GNPTAB: variants seen among roughly 807,000 people sequenced by gnomAD.
GNPTAB encodes the protein N-acetylglucosamine-1-phosphate transferase subunits alpha and beta.
A neutral mutation model predicts 136.6 loss-of-function variants in GNPTAB; 92 were observed. The observed-to-expected ratio is 0.67, with a 90% CI of 0.57 to 0.80. The LOEUF (loss-of-function observed/expected upper bound fraction) is 0.80. Ranked by LOEUF, GNPTAB falls within the 30% of genes least tolerant of loss-of-function variation. The pLI is 0.00. For synonymous variants in GNPTAB, 512 were observed against 535.1 expected (o/e 0.96, Z 0.60); for missense variants, 1,343 against 1,501.8 (o/e 0.89, Z 1.75).
chr12:101,812,565 G>A (rs1870293625), intron 1 of GNPTAB, among the ~76,000 whole-genome samples: 2 of 151,830 alleles, frequency 1.3e-5, no homozygotes, highest in South Asian at 4.2e-4. Context: ...AGACCAGCTT[G>A]GGCAACATGG....
chr12:101,821,153 A>T (rs1870776553), intron 1 of GNPTAB, among the ~76,000 whole-genome samples: 1 of 151,646 alleles, frequency 6.6e-6, no homozygotes, highest in Admixed American at 6.6e-5. Flanking sequence ...ACGATGCTCT[A>T]TTTCTTTACA....
chr12:101,766,203 GT>G lies in GNPTAB; in HGVS notation c.1499del (p.Asn500ThrfsTer47), dbSNP rs2137119157. On this transcript the variant is annotated frameshift_variant, in exon 12 of 21. Transcript: ENST00000299314. LOFTEE classifies it high-confidence loss of function. The stretch of plus-strand genomic sequence containing the variant: ...ATCCCTGATTACAGTAAGAGACACT[GT>G]TTATTCCTCCACCAAACTGCCAGGG... ...GQPWQFGGGI[N>X]SVSYCNQGCA... 6.2e-7 allele frequency: 1 copy of G among 1,613,956 alleles called. No homozygotes were observed. Among genetic ancestry groups the G allele is most frequent in the Non-Finnish European group, 8.5e-7 (1 of 1,179,894 alleles).
chr12:101,757,382 T>A, intron 17 of GNPTAB, 72 bp from the exon 18 acceptor site: 1 of 998,014 alleles, frequency 1.0e-6, no homozygotes, highest in Middle Eastern at 2.8e-4. Flanking sequence ...CAATAGAAAA[T>A]ACATTTTTTA....
At chr12:101,780,906 A>G (rs1953332753) in intron 5 of GNPTAB, among the ~76,000 whole-genome samples, 1 of 152,256 alleles carries the variant, frequency 6.6e-6, no homozygotes, top group Non-Finnish European at 1.5e-5. Context: ...CAGAAATGAT[A>G]GGATGATAGA....
intron 1 of GNPTAB, among the ~76,000 whole-genome samples, chr12:101,828,840 T>C (rs1027390380): frequency 4.6e-5 from 7 of 152,108 alleles, no homozygotes; most frequent in Non-Finnish European, 1.0e-4. Flanking sequence ...CCCACAGGGG[T>C]GATGTTGTGA....
intron 1 of GNPTAB, among the ~76,000 whole-genome samples, chr12:101,820,173 TCA>T (rs1870721301): frequency 6.6e-6 from 1 of 152,232 alleles, no homozygotes; most frequent in Non-Finnish European, 1.5e-5. Context: ...CTTCCTAAGT[TCA>T]GTCACAATCA....
At chr12:101,769,178 G>A (rs1271938227) in intron 10 of GNPTAB, among the ~76,000 whole-genome samples, 1 of 152,164 alleles carries the variant, frequency 6.6e-6, no homozygotes, top group Non-Finnish European at 1.5e-5. Context: ...CGCTACAAGG[G>A]TATTTGTACT....
rs143794314 is a variant in GNPTAB at position 101,756,992 on chromosome 12, T to C, written c.3434+220A>G. On this transcript the variant is annotated intron_variant, in intron 18 of 20. Coordinates refer to ENST00000299314, the MANE Select transcript of GNPTAB (RefSeq NM_024312.5). ...CTGGGTCTCTCTGAACAGCTTGTTA[T>C]TAATAGAACCCAGTTCTTCGAAGTT... The C allele has an allele frequency of 5.8e-5, 29 of 502,058 alleles. 1 individual carries two copies. In the Middle Eastern group the frequency reaches 2.1e-3, roughly 37 times the overall value. 31.1% of individuals were successfully genotyped at this position (502,058 alleles called of 1,614,324 possible).
intron 14 of GNPTAB, 37 bp from the exon 15 acceptor site, chr12:101,761,383 C>G (rs754154693): frequency 5.0e-5 from 79 of 1,580,872 alleles, no homozygotes; most frequent in Non-Finnish European, 6.6e-5. Flanking sequence ...TCTGGATATT[C>G]AAAGTATGTA....
Position 101,830,683 on chromosome 12 carries a change from T to A in GNPTAB, c.-8A>T. 4 of 1,517,848 alleles carry A rather than the reference T, an allele frequency of 2.6e-6. No homozygotes were observed. The East Asian group carries it at 9.1e-5, about 35-fold the overall frequency. 94.0% of individuals were successfully genotyped at this position (1,517,848 alleles called of 1,614,324 possible). A position where few individuals can be genotyped will look rare whatever the true frequency, so the allele number is the denominator to read the frequency against. ...CAGGAGCTTGAACAGCATCACCCCT[T>A]CACCGCCACGCCACGCCCCGAGGAG... On this transcript the variant is annotated 5_prime_UTR_variant, in exon 1 of 21. Transcript: ENST00000299314.
At chr12:101,804,348 A>G (rs1869819421) in intron 1 of GNPTAB, among the ~76,000 whole-genome samples, 1 of 152,168 alleles carries the variant, frequency 6.6e-6, no homozygotes, top group African/African-American at 2.4e-5. Flanking sequence ...AAAGAGAAAA[A>G]AAAAAAGAAC....
intron 1 of GNPTAB, among the ~76,000 whole-genome samples, chr12:101,798,113 T>C (rs369458993): frequency 1.0e-3 from 153 of 152,338 alleles, no homozygotes; most frequent in African/African-American, 3.5e-3. Flanking sequence ...ACCACTTTAG[T>C]GGCCTTACCA....
intron 1 of GNPTAB, among the ~76,000 whole-genome samples, chr12:101,802,324 G>A (rs76623369): frequency 6.6e-6 from 1 of 152,042 alleles, no homozygotes; most frequent in Non-Finnish European, 1.5e-5. Context: ...TTGGAGCAAG[G>A]CTGAACTTCG....
At chr12:101,775,833 T>C (rs1340398057) in intron 7 of GNPTAB, among the ~76,000 whole-genome samples, 2 of 152,226 alleles carry the variant, frequency 1.3e-5, no homozygotes. Flanking sequence ...AGGGCATTAG[T>C]AGAAAATTAT....
At chr12:101,770,885 A>G (rs1457540152) in intron 8 of GNPTAB, 111 bp downstream of exon 8, 3 of 1,123,930 alleles carry the variant, frequency 2.7e-6, no homozygotes, top group Non-Finnish European at 4.0e-6. Flanking sequence ...GAAAAATTCC[A>G]ATCAACTCAC....
At chr12:101,756,225 A>T (rs983940362) in intron 18 of GNPTAB, 1 of 164,602 alleles carries the variant, frequency 6.1e-6, no homozygotes, top group Non-Finnish European at 1.3e-5. Context: ...TAGGTGTTAA[A>T]GGTATTTTTA....
At chr12:101,796,262 C>T in intron 2 of GNPTAB, 1 of 702,474 alleles carries the variant, frequency 1.4e-6, no homozygotes, top group East Asian at 2.7e-5. Flanking sequence ...ACCTCACAGA[C>T]CTGGGGAGAC....
At chr12:101,778,795 T>C in intron 7 of GNPTAB, 1 of 152,144 alleles carries the variant, frequency 6.6e-6, no homozygotes, top group Non-Finnish European at 1.5e-5. Flanking sequence ...TAATCCCAGC[T>C]ATTTGGAGGC....
At chr12:101,774,821 A>G (rs1384637989) in intron 7 of GNPTAB, among the ~76,000 whole-genome samples, 1 of 152,234 alleles carries the variant, frequency 6.6e-6, no homozygotes, top group East Asian at 1.9e-4. Flanking sequence ...AAATACAGGT[A>G]AGTTTGAATG....
Sources: gnomAD v4.1 joint callset for allele counts (sites outside exome capture counted in the v4.1 genomes callset) on GRCh38, gnomAD v4.1.1 for gene constraint, MANE v1.5 for transcripts, NCBI Gene and HGNC (gene_info 2026-07-23, HGNC 2026-07-21) for gene names.